RELN: variants seen among roughly 807,000 people sequenced by gnomAD.
The protein encoded by RELN is reelin.
Under a neutral mutation model 427.6 loss-of-function variants are expected in RELN, and 108 were observed. That is an observed-to-expected ratio of 0.25 (90% CI 0.22 to 0.30). RELN has a LOEUF of 0.30. Ranked by LOEUF, RELN falls within the 10% of genes least tolerant of loss-of-function variation. RELN has a pLI of 1.00. For synonymous variants in RELN, 1,524 were observed against 1,513.4 expected, an observed-to-expected ratio of 1.01 and a Z score of -0.16; for missense variants, 3,715 against 4,302.8, an observed-to-expected ratio of 0.86 and a Z score of 3.82.
chr7:103,952,193 C>G (rs1257719822), intron 1 of RELN, among the ~76,000 whole-genome samples: 1 of 151,960 alleles, frequency 6.6e-6, no homozygotes, highest in African/African-American at 2.4e-5. Flanking sequence ...TTTTGATTTT[C>G]TTAATTATTT....
At chr7:103,617,339 T>C (rs1214158146) in intron 20 of RELN, among the ~76,000 whole-genome samples, 1 of 152,142 alleles carries the variant, frequency 6.6e-6, no homozygotes, top group Non-Finnish European at 1.5e-5. Context: ...TTTAAGGAGG[T>C]TTGTCCTCCT....
intron 20 of RELN, among the ~76,000 whole-genome samples, chr7:103,623,862 T>C (rs10246285): frequency 0.22 from 32,716 of 152,028 alleles, 4,112 homozygotes; most frequent in African/African-American, 0.34. Context: ...TTTTGGAAAA[T>C]TCTTTGAGTT....
rs1471699014 is a variant in RELN, at chr7:103,917,119, A to G, written c.293T>C (p.Val98Ala). The G allele has an allele frequency of 4.3e-6, 7 of 1,613,570 alleles. No individual in the cohort carries two copies. Among genetic ancestry groups the G allele is most frequent in the Non-Finnish European group, 5.9e-6 (7 of 1,179,770 alleles). Reference protein sequence around the residue: ...LVTGLYTSTSVQASQSIGGSS... With the variant: ...LVTGLYTSTSAQASQSIGGSS... ...ACCTCCAATGCTCTGTGATGCCTGA[A>G]CACTTGTAGATGTGTATAGTCCTGT... Residue 98 changes from valine (V) to alanine (A), a missense_variant, in exon 2 of 65, where the codon GTT (valine) becomes GCT (alanine). Coordinates refer to ENST00000428762, the MANE Select transcript of RELN (RefSeq NM_005045.4).
chr7:103,535,534 G>A, intron 45 of RELN, 50 bp from the exon 46 acceptor site: 1 of 1,518,468 alleles, frequency 6.6e-7, no homozygotes, highest in Non-Finnish European at 9.1e-7. Flanking sequence ...TGCAGACCCA[G>A]GAACCATAAT....
intron 2 of RELN, among the ~76,000 whole-genome samples, chr7:103,902,467 G>GA (rs1385145883): frequency 1.3e-5 from 2 of 152,014 alleles, no homozygotes; most frequent in African/African-American, 4.8e-5. Context: ...AAGAGAACCG[G>GA]AAATAACATA....
chr7:103,660,564 G>A (rs1305375977), intron 12 of RELN, among the ~76,000 whole-genome samples: 2 of 152,152 alleles, frequency 1.3e-5, no homozygotes, highest in Non-Finnish European at 2.9e-5. Context: ...GAAATAAATC[G>A]TCAATGCTGA....
At chr7:103,817,548 T>G (rs1436952439) in intron 3 of RELN, among the ~76,000 whole-genome samples, 1 of 152,234 alleles carries the variant, frequency 6.6e-6, no homozygotes, top group Non-Finnish European at 1.5e-5. Context: ...CACATTTGTG[T>G]TTGTACAAGA....
intron 3 of RELN, among the ~76,000 whole-genome samples, chr7:103,818,719 G>C (rs541208886): frequency 1.3e-5 from 2 of 152,086 alleles, no homozygotes; most frequent in South Asian, 2.1e-4. Flanking sequence ...TGATTAAACA[G>C]ATTATAATAC....
At chr7:103,947,845 C>T (rs970857726) in intron 1 of RELN, among the ~76,000 whole-genome samples, 3 of 152,138 alleles carry the variant, frequency 2.0e-5, no homozygotes, top group Non-Finnish European at 4.4e-5. Flanking sequence ...GTCAATCATG[C>T]TTAGGAGAAT....
In RELN at chr7:103,661,371, C is replaced by T. The variant is rs1402939542; in HGVS notation, c.1441+5G>A. Reference sequence around the variant, plus strand: ...GGTGAACAAAGTTTGTGAAAATGTACTTACCCATCACAAAGTAAAACCTCA... The same window carrying T: ...GGTGAACAAAGTTTGTGAAAATGTATTTACCCATCACAAAGTAAAACCTCA... On this transcript the variant is annotated splice_donor_5th_base_variant and intron_variant, in intron 12 of 64. Coordinates refer to ENST00000428762, the MANE Select transcript of RELN (RefSeq NM_005045.4). The T allele has an allele frequency of 6.2e-7, 1 of 1,613,756 alleles. No individual in the cohort carries two copies. The highest frequency in any genetic ancestry group is 8.5e-7 in the Non-Finnish European group (1 of 1,179,768).
At chr7:103,494,365 TTGTGTGTG>T (rs58533286) in intron 57 of RELN, among the ~76,000 whole-genome samples, 2 of 118,256 alleles carry the variant, frequency 1.7e-5, no homozygotes, top group Admixed American at 8.6e-5. Flanking sequence ...GTAATGACTT[TTGTGTGTG>T]TGTGTGTGTG....
Position 103,953,307 on chromosome 7 carries a change from T to A in RELN, c.226+35824A>T, listed in dbSNP as rs1796369359. On this transcript the variant is annotated intron_variant, in intron 1 of 64. Coordinates refer to ENST00000428762, the MANE Select transcript of RELN (RefSeq NM_005045.4). This position sits in a 1 kb window ranked among gnomAD's most constrained non-coding sequence, Gnocchi z 4.3. Reference sequence around the variant, plus strand: ...CTCACAATAACAAGTGGAAGGGTTATTGTTTTATCATTTGGTTTCGGATCC... The same window carrying A: ...CTCACAATAACAAGTGGAAGGGTTAATGTTTTATCATTTGGTTTCGGATCC... 6.6e-6 allele frequency among the ~76,000 whole-genome samples: 1 copy of A among 152,242 alleles called. No homozygotes were observed. The highest frequency in any genetic ancestry group is 1.5e-5 in the Non-Finnish European group (1 of 68,044).
intron 10 of RELN, among the ~76,000 whole-genome samples, chr7:103,685,768 CT>C (rs1833753558): frequency 6.6e-6 from 1 of 152,036 alleles, no homozygotes; most frequent in Admixed American, 6.6e-5. Flanking sequence ...TATTTTCCTA[CT>C]TTGCCACTAA....
At position 103,989,191 on chromosome 7, in the gene RELN, G is replaced by A. The variant is rs777758550; in HGVS notation, c.166C>T (p.Leu56Phe). The change falls in exon 1 of 65, where the codon CTC becomes TTC. Residue 56 changes from leucine to phenylalanine, a missense_variant. Physicochemically the swap from Leu to Phe is conservative, Grantham distance 22 (BLOSUM62 0). This residue lies in a region of RELN where 2,208 missense variants were observed against 2,361.7 expected (regional missense o/e 0.93). Coordinates refer to ENST00000428762, the MANE Select transcript of RELN (RefSeq NM_005045.4). The surrounding 1 kb of genome is among the most constrained non-coding windows in gnomAD (Gnocchi z 4.9). ...LEGDGEQGEV[L>F]ISLHIAGNPT... ...TTGCCCGCAATATGCAGGGAAATGA[G>A]CACCTCGCCCTGCTCCCCATCCCCT... 16 of 1,614,026 alleles carry A rather than the reference G, an allele frequency of 9.9e-6. No homozygotes were observed. The South Asian group carries it at 1.6e-4, about 17-fold the overall frequency.
chr7:103,670,704 A>G (rs1411412566), intron 11 of RELN, among the ~76,000 whole-genome samples: 1 of 152,064 alleles, frequency 6.6e-6, no homozygotes, highest in African/African-American at 2.4e-5. Flanking sequence ...CATTCAGTTT[A>G]TATGAATTAT....
chr7:103,847,835 G>A (rs1793718668), intron 2 of RELN, among the ~76,000 whole-genome samples: 1 of 152,292 alleles, frequency 6.6e-6, no homozygotes. Context: ...TAAACTGGAA[G>A]TTGGGTTGTG....
intron 1 of RELN, among the ~76,000 whole-genome samples, chr7:103,959,783 AAC>A (rs1796509574): frequency 6.6e-6 from 1 of 151,914 alleles, no homozygotes. Flanking sequence ...CTAATTTTTT[AAC>A]AGTTTTTGTG....
chr7:103,510,791 TA>T (rs1829381339), intron 51 of RELN, 59 bp downstream of exon 51: 1 of 1,343,792 alleles, frequency 7.4e-7, no homozygotes, highest in South Asian at 1.2e-5. Flanking sequence ...TTTTCTCTGA[TA>T]TTTTTTGTTA....
intron 8 of RELN, among the ~76,000 whole-genome samples, chr7:103,707,605 TCTC>T (rs1834233338): frequency 6.6e-6 from 1 of 152,038 alleles, no homozygotes; most frequent in Admixed American, 6.5e-5. Context: ...TTCAAGCAAT[TCTC>T]CTGCCTCAGC....
Sources: allele counts gnomAD v4.1 joint callset (sites outside exome capture counted in the v4.1 genomes callset), GRCh38; gene constraint gnomAD v4.1.1; regional missense constraint gnomAD v4.1.1; non-coding constraint Gnocchi (gnomAD v3.1); transcripts MANE v1.5; gene names NCBI Gene and HGNC (gene_info 2026-07-23, HGNC 2026-07-21).